The following SIGLEC6 variants were observed in gnomAD, a reference collection of about 807,000 sequenced individuals.
SIGLEC6 encodes the protein sialic acid-binding Ig-like lectin 6.
In SIGLEC6, 31 loss-of-function variants were observed where a neutral mutation model predicts 41.4. The ratio of observed to expected loss-of-function variants is 0.75; its 90% CI spans 0.56 to 1.01. SIGLEC6 has a LOEUF of 1.01. Among genes scored for constraint, SIGLEC6 ranks in the 50% least tolerant of loss-of-function variants. The pLI is 0.00. For missense variants in SIGLEC6, 555 were observed against 558.6 expected, an observed-to-expected ratio of 0.99 and a Z score of 0.06; for synonymous variants, 217 against 231.0, an observed-to-expected ratio of 0.94 and a Z score of 0.55.
At position 51,520,037 on chromosome 19, in the gene SIGLEC6, G is replaced by T; in HGVS notation, c.*45C>A. On this transcript the variant is annotated 3_prime_UTR_variant, in exon 8 of 8. Transcript: ENST00000425629. The stretch of plus-strand genomic sequence containing the variant: ...AGCCCTAGTAACCAATACACTGAGA[G>T]GTACCATGTTCTCTCCAATCAAGGT... 6.8e-7 allele frequency: 1 copy of T among 1,471,402 alleles called. No homozygotes were observed. The highest frequency in any genetic ancestry group is 1.4e-5 in the South Asian group (1 of 69,024). 91.1% of individuals were successfully genotyped at this position (1,471,402 alleles called of 1,614,324 possible).
chr19:51,530,019 A>G (rs2122461003), intron 4 of SIGLEC6, 38 bp from the exon 5 acceptor site: 1 of 1,541,686 alleles, frequency 6.5e-7, no homozygotes, highest in Non-Finnish European at 8.7e-7. Context: ...GAGATGGGGT[A>G]TAGGGGCAAA....
chr19:51,525,508 C>T (rs1486698845), intron 7 of SIGLEC6, among the ~76,000 whole-genome samples: 1 of 152,190 alleles, frequency 6.6e-6, no homozygotes, highest in African/African-American at 2.4e-5. Flanking sequence ...GCCCCCAGCA[C>T]AGCTGCCCTG....
In SIGLEC6 at chr19:51,520,017, T is replaced by C. The variant is rs547927293; in HGVS notation, c.*65A>G. 2.9e-6 allele frequency: 4 copies of C among 1,356,484 alleles called. No individual in the cohort carries two copies. Among genetic ancestry groups the C allele is most frequent in the Non-Finnish European group, 4.0e-6 (4 of 1,002,472 alleles). The allele number at this position is 1,356,484 out of a possible 1,614,324, so 84.0% of individuals were successfully genotyped here. ...TTGTGGTACATTGCTGTGGCAGCCC[T>C]AGTAACCAATACACTGAGAGGTACC... On this transcript the variant is annotated 3_prime_UTR_variant, in exon 8 of 8. Coordinates refer to ENST00000425629, the MANE Select transcript of SIGLEC6 (RefSeq NM_001245.7).
At position 51,531,581 on chromosome 19, in the gene SIGLEC6, C is replaced by T. The variant is rs746108407; in HGVS notation, c.67+1G>A. 5 of 1,613,816 alleles carry T rather than the reference C, an allele frequency of 3.1e-6. No individual in the cohort carries two copies. The African/African-American group carries it at 6.7e-5, about 22-fold the overall frequency. ...CGGCACCTCTCCCCTGGCCCACTCA[C>T]CTGCCCACAGCAGGGGCAGCAGCAG... On this transcript the variant is annotated splice_donor_variant, in intron 1 of 7. Coordinates refer to ENST00000425629, the MANE Select transcript of SIGLEC6 (RefSeq NM_001245.7). LOFTEE classifies it high-confidence loss of function.
chr19:51,520,106 G>C lies in SIGLEC6; in HGVS notation c.1338C>G (p.Tyr446Ter). The change falls in exon 8 of 8, where the codon TAC becomes TAG. Residue 446 changes from tyrosine (Y) to a stop codon, truncating the protein, a stop_gained. Transcript: ENST00000425629. LOFTEE classifies it high-confidence loss of function. The part of the protein sequence containing the change: ...PQEPKVTDTE[Y>*]SEIKIHK ...CTCACTTGTGTATCTTGATTTCTGAGTACTCAGTGTCGGTGACCTTTGGTT... is the reference window on the plus strand; with the variant it reads ...CTCACTTGTGTATCTTGATTTCTGACTACTCAGTGTCGGTGACCTTTGGTT... 6.3e-7 allele frequency: 1 copy of C among 1,580,484 alleles called. No homozygotes were observed. Among genetic ancestry groups the C allele is most frequent in the Non-Finnish European group, 8.7e-7 (1 of 1,154,740 alleles).
Position 51,520,069 on chromosome 19 carries a change from T to A in SIGLEC6, c.*13A>T, listed in dbSNP as rs2122275159. ...TGTTCTCTCCAATCAAGGTTATGGC[T>A]TTGGACAATTCCTCACTTGTGTATC... On this transcript the variant is annotated 3_prime_UTR_variant, in exon 8 of 8. Coordinates refer to ENST00000425629, the MANE Select transcript of SIGLEC6 (RefSeq NM_001245.7). The A allele has an allele frequency of 6.5e-7, 1 of 1,540,698 alleles. No homozygotes were observed. Among genetic ancestry groups the A allele is most frequent in the East Asian group, 2.3e-5 (1 of 43,486 alleles).
chr19:51,523,368 A>C (rs1478376067), intron 7 of SIGLEC6, among the ~76,000 whole-genome samples: 1 of 152,200 alleles, frequency 6.6e-6, no homozygotes. Context: ...ACACAGGTGC[A>C]ACTGGGATCC....
intron 6 of SIGLEC6, 138 bp from the exon 7 acceptor site, chr19:51,527,966 C>A: frequency 1.0e-6 from 1 of 962,508 alleles, no homozygotes; most frequent in South Asian, 1.6e-5. Flanking sequence ...AAGAGTTGGA[C>A]CACGGTTTCA....
chr19:51,530,991 T>A (rs201045987), intron 2 of SIGLEC6, 32 bp from the exon 3 acceptor site: 1 of 1,600,774 alleles, frequency 6.2e-7, no homozygotes. Context: ...AGGATCAGGA[T>A]GGAGGTCTGA....
chr19:51,525,113 C>G (rs1600010144), intron 7 of SIGLEC6, among the ~76,000 whole-genome samples: 1 of 152,164 alleles, frequency 6.6e-6, no homozygotes, highest in East Asian at 1.9e-4. Context: ...GCCAGGTTCT[C>G]TCACATGCTC....
chr19:51,531,010 C>A (rs757158945), intron 2 of SIGLEC6, 51 bp from the exon 3 acceptor site: 1 of 1,589,974 alleles, frequency 6.3e-7, no homozygotes, highest in East Asian at 2.2e-5. Context: ...GAGGTTTCAC[C>A]CAGGGGGAAG....
intron 7 of SIGLEC6, among the ~76,000 whole-genome samples, chr19:51,520,541 C>G (rs1159487635): frequency 5.3e-5 from 8 of 151,898 alleles, no homozygotes; most frequent in Non-Finnish European, 2.9e-5. Flanking sequence ...GGCATGCACC[C>G]CACCTGGCTA....
intron 5 of SIGLEC6, 137 bp from the exon 6 acceptor site, chr19:51,528,390 C>T (rs1210661760): frequency 1.1e-5 from 8 of 712,786 alleles, no homozygotes; most frequent in African/African-American, 3.5e-5. Flanking sequence ...CCTGTGAACC[C>T]GGAACCAGCC....
At position 51,531,266 on chromosome 19, in the gene SIGLEC6, G is replaced by T; in HGVS notation, c.321C>A (p.Ser107Arg). 1 of 1,614,134 alleles carries T rather than the reference G, an allele frequency of 6.2e-7. No individual in the cohort carries two copies. The highest frequency in any genetic ancestry group is 8.5e-7 in the Non-Finnish European group (1 of 1,180,002). ...WDPRRKNCSLSIRDARRRDNA... is the reference protein window; with the variant it reads ...WDPRRKNCSLRIRDARRRDNA... Reference sequence around the variant, plus strand: ...TGTCCCTCCTCCGGGCATCTCTGATGCTCAGGGAGCAGTTCTTCCTTCTGG... The same window carrying T: ...TGTCCCTCCTCCGGGCATCTCTGATTCTCAGGGAGCAGTTCTTCCTTCTGG... Residue 107 changes from serine to arginine, a missense_variant, in exon 2 of 8, where the codon AGC (serine) becomes AGA (arginine). By Grantham distance (110) the Ser-to-Arg change is moderately radical. Transcript: ENST00000425629.
At chr19:51,528,619 A>G (rs1436056572) in intron 5 of SIGLEC6, among the ~76,000 whole-genome samples, 1 of 152,144 alleles carries the variant, frequency 6.6e-6, no homozygotes, top group Non-Finnish European at 1.5e-5. Context: ...AGCTGATGTA[A>G]TTAGTTATAA....
rs191997681 is a variant in SIGLEC6, at chr19:51,518,340, T to C, written c.*1742A>G. Reference sequence around the variant, plus strand: ...TTGTGGTTTTTTGCTTGTTTGTTTGTTTTGTTTTGCTTTTTCTGAGTTGGA... The same window carrying C: ...TTGTGGTTTTTTGCTTGTTTGTTTGCTTTGTTTTGCTTTTTCTGAGTTGGA... On this transcript the variant is annotated 3_prime_UTR_variant, in exon 8 of 8. Transcript: ENST00000425629. 4.4e-4 allele frequency among the ~76,000 whole-genome samples: 67 copies of C among 152,236 alleles called. No homozygotes were observed. The highest frequency in any genetic ancestry group is 1.4e-3 in the African/African-American group (58 of 41,554).
At position 51,519,227 on chromosome 19, in the gene SIGLEC6, G is replaced by A. The variant is rs987171802; in HGVS notation, c.*855C>T. On this transcript the variant is annotated 3_prime_UTR_variant, in exon 8 of 8. Transcript: ENST00000425629. ...GGAGAATGGTGTGAACCCAGGGGGC[G>A]AAGCTTGCACTGAGCCAAGATCGCA... Among the ~76,000 whole-genome samples, 8 of 146,144 alleles carry A rather than the reference G, an allele frequency of 5.5e-5. No homozygotes were observed. The highest frequency in any genetic ancestry group is 3.7e-3 in the Middle Eastern group (1 of 270).
chr19:51,528,679 C>T (rs985346361), intron 5 of SIGLEC6, among the ~76,000 whole-genome samples: 2 of 151,930 alleles, frequency 1.3e-5, no homozygotes, highest in African/African-American at 4.8e-5. Context: ...GACTGTTGTC[C>T]TTATAAAAAG....
At chr19:51,529,001 CAAA>C (rs3072157) in intron 5 of SIGLEC6, among the ~76,000 whole-genome samples, 5 of 92,782 alleles carry the variant, frequency 5.4e-5, no homozygotes, top group Admixed American at 2.6e-4. Context: ...GACCCTCTCT[CAAA>C]AAAAAAAAAA....
Sources: allele counts gnomAD v4.1 joint callset (sites outside exome capture counted in the v4.1 genomes callset), GRCh38; gene constraint gnomAD v4.1.1; transcripts MANE v1.5; gene names NCBI Gene and HGNC (gene_info 2026-07-23, HGNC 2026-07-21).